RABGEF1: variants seen among roughly 807,000 people sequenced by gnomAD.
RABGEF1 encodes the protein rab5 GDP/GTP exchange factor.
A neutral mutation model predicts 57.3 loss-of-function variants in RABGEF1; 26 were observed. The observed-to-expected ratio is 0.45, with a 90% CI of 0.33 to 0.63. The LOEUF (loss-of-function observed/expected upper bound fraction) is 0.63. Ranked by LOEUF, RABGEF1 falls within the 20% of genes least tolerant of loss-of-function variation. The pLI is 0.02. For missense variants in RABGEF1, 464 were observed against 607.6 expected, an observed-to-expected ratio of 0.76 and a Z score of 2.48; for synonymous variants, 185 against 210.7, an observed-to-expected ratio of 0.88 and a Z score of 1.06.
At chr7:66,745,832 T>C (rs1480264827) in intron 1 of RABGEF1, among the ~76,000 whole-genome samples, 2 of 151,102 alleles carry the variant, frequency 1.3e-5, no homozygotes, top group East Asian at 1.9e-4. Flanking sequence ...CAGTGGCTCA[T>C]GCCTATAATA....
At chr7:66,716,365 C>T (rs1287031043) in intron 2 of RABGEF1, among the ~76,000 whole-genome samples, 16 of 152,194 alleles carry the variant, frequency 1.1e-4, no homozygotes, top group Admixed American at 7.2e-4. Flanking sequence ...TTTGGGAGGC[C>T]GAGGCAAGCA....
At chr7:66,798,594 A>C (rs1269610647) in intron 6 of RABGEF1, among the ~76,000 whole-genome samples, 1 of 152,102 alleles carries the variant, frequency 6.6e-6, no homozygotes, top group African/African-American at 2.4e-5. Flanking sequence ...TTAGGGTGGG[A>C]CCAGGAAACA....
intron 3 of RABGEF1, among the ~76,000 whole-genome samples, chr7:66,778,193 C>A: frequency 6.6e-6 from 1 of 152,206 alleles, no homozygotes; most frequent in East Asian, 1.9e-4. Flanking sequence ...TTGAATCTTC[C>A]TTAGTCCATG....
At chr7:66,656,039 G>A in the RABGEF1 span, among the ~76,000 whole-genome samples, 5 of 152,226 alleles carry the variant, frequency 3.3e-5, no homozygotes, top group African/African-American at 9.6e-5. Flanking sequence ...GTGTCTTGAA[G>A]AATGAGTAAC....
chr7:66,664,309 G>A, the RABGEF1 span, among the ~76,000 whole-genome samples: 1 of 152,110 alleles, frequency 6.6e-6, no homozygotes, highest in Admixed American at 6.5e-5. Flanking sequence ...GCCAGGCGCA[G>A]TGACTGACAC....
chr7:66,774,607 CT>C (rs1467683833), intron 2 of RABGEF1, among the ~76,000 whole-genome samples: 1 of 152,106 alleles, frequency 6.6e-6, no homozygotes, highest in Non-Finnish European at 1.5e-5. Context: ...CCTATTCAGC[CT>C]TATTAGTCAG....
rs183810793 is a variant in RABGEF1, at chr7:66,756,504, T to A, written c.-17-15379T>A. Among the ~76,000 whole-genome samples, 249 of 152,320 alleles carry A rather than the reference T, an allele frequency of 1.6e-3. 1 individual carries two copies. Among genetic ancestry groups the A allele is most frequent in the Non-Finnish European group, 2.7e-3 (181 of 68,030 alleles). ...CTTGTCCTGCTTGGCTATCAAAGATTTATAAATTGTGTTAGTACTATTTCT... is the reference window on the plus strand; with the variant it reads ...CTTGTCCTGCTTGGCTATCAAAGATATATAAATTGTGTTAGTACTATTTCT... On this transcript the variant is annotated intron_variant, in intron 1 of 8. Coordinates refer to ENST00000284957, the MANE Select transcript of RABGEF1 (RefSeq NM_014504.3).
At chr7:66,660,736 C>G in the RABGEF1 span, among the ~76,000 whole-genome samples, 1 of 152,222 alleles carries the variant, frequency 6.6e-6, no homozygotes, top group Non-Finnish European at 1.5e-5. Context: ...TTTTACCAGT[C>G]AGTTCTACCA....
At chr7:66,791,618 A>C (rs1280653283) in intron 4 of RABGEF1, among the ~76,000 whole-genome samples, 2 of 152,218 alleles carry the variant, frequency 1.3e-5, no homozygotes, top group African/African-American at 4.8e-5. Flanking sequence ...TTCTGGATGA[A>C]ATACACAGAA....
At chr7:66,699,756 G>C (rs1426538053) in intron 1 of RABGEF1, among the ~76,000 whole-genome samples, 1 of 152,074 alleles carries the variant, frequency 6.6e-6, no homozygotes, top group African/African-American at 2.4e-5. Context: ...GGGAGGCTGA[G>C]GCAGGAGGAT....
intron 4 of RABGEF1, among the ~76,000 whole-genome samples, chr7:66,789,682 CAAAAAA>C (rs35661980): frequency 0.011 from 619 of 57,488 alleles, 9 homozygotes; most frequent in African/African-American, 0.045. Context: ...GACTCTATCT[CAAAAAA>C]AAAAAAAAAA....
At chr7:66,745,564 T>A (rs2129053851) in intron 1 of RABGEF1, among the ~76,000 whole-genome samples, 1 of 152,084 alleles carries the variant, frequency 6.6e-6, no homozygotes, top group Non-Finnish European at 1.5e-5. Flanking sequence ...GCCAGGAGTT[T>A]GAGACCAGCC....
chr7:66,769,402 G>A (rs1010305365), intron 1 of RABGEF1, among the ~76,000 whole-genome samples: 2 of 152,194 alleles, frequency 1.3e-5, no homozygotes, highest in Non-Finnish European at 2.9e-5. Flanking sequence ...ACACCTTAAT[G>A]TTCAGCCAAA....
chr7:66,665,740 GTGT>G, the RABGEF1 span, among the ~76,000 whole-genome samples: 1 of 152,228 alleles, frequency 6.6e-6, no homozygotes, highest in Non-Finnish European at 1.5e-5. Flanking sequence ...CTGGGCAAGT[GTGT>G]TGTTGTAGCT....
chr7:66,797,272 C>A (rs1306236295), intron 5 of RABGEF1, 102 bp from the exon 6 acceptor site: 12 of 1,282,954 alleles, frequency 9.4e-6, no homozygotes, highest in Non-Finnish European at 1.3e-5. Flanking sequence ...CTGCTGCACT[C>A]CAACCTGGGC....
chr7:66,687,959 C>T (rs1385432704), intron 1 of RABGEF1, among the ~76,000 whole-genome samples: 1 of 152,046 alleles, frequency 6.6e-6, no homozygotes, highest in Non-Finnish European at 1.5e-5. Flanking sequence ...GTGGTGCATG[C>T]CTGTAATCCC....
chr7:66,769,044 A>G (rs1277971554), intron 1 of RABGEF1: 1 of 152,222 alleles, frequency 6.6e-6, no homozygotes, highest in East Asian at 1.9e-4. Context: ...GGGGATCCCC[A>G]TATTCTCTCT....
At chr7:66,793,288 T>G (rs1813159591) in intron 4 of RABGEF1, among the ~76,000 whole-genome samples, 1 of 152,214 alleles carries the variant, frequency 6.6e-6, no homozygotes, top group South Asian at 2.1e-4. Flanking sequence ...AACACAGAAT[T>G]CATTTGTTGA....
At chr7:66,686,024 A>G (rs567262230) in intron 1 of RABGEF1, among the ~76,000 whole-genome samples, 3 of 152,266 alleles carry the variant, frequency 2.0e-5, no homozygotes, top group African/African-American at 7.2e-5. Context: ...CACGCCTGTA[A>G]TCCCAACACT....
Sources: allele counts gnomAD v4.1 joint callset (sites outside exome capture counted in the v4.1 genomes callset), GRCh38; gene constraint gnomAD v4.1.1; transcripts MANE v1.5; gene names NCBI Gene and HGNC (gene_info 2026-07-23, HGNC 2026-07-21).